The following EHBP1L1 variants were observed in gnomAD, a reference collection of about 807,000 sequenced individuals.
The protein encoded by EHBP1L1 is EH domain binding protein 1 like 1, also known as EH domain-binding protein 1-like protein 1.
Under a neutral mutation model 151.1 loss-of-function variants are expected in EHBP1L1, and 122 were observed. The observed-to-expected ratio is 0.81, with a 90% CI of 0.70 to 0.94. The LOEUF (loss-of-function observed/expected upper bound fraction) is 0.94, where lower values mean the gene tolerates loss of function less well. EHBP1L1 is among the 40% of genes least tolerant of loss of function. The probability of loss-of-function intolerance (pLI) is 0.00; values close to 1 mark genes in which losing one functional copy is unlikely to be tolerated. For missense variants in EHBP1L1, 1,941 were observed against 1,959.8 expected (o/e 0.99, Z 0.18); for synonymous variants, 878 against 810.1 (o/e 1.08, Z -1.42).
chr11:65,583,216 T>TTCAGGGATC lies in EHBP1L1; in HGVS notation c.2551_2559dup (p.Ile851_Gly853dup), dbSNP rs1327798196. 1 of 1,612,906 alleles carries TTCAGGGATC rather than the reference T, an allele frequency of 6.2e-7. No individual in the cohort carries two copies. The highest frequency in any genetic ancestry group is 8.5e-7 in the Non-Finnish European group (1 of 1,179,730). Reference sequence around the variant, plus strand: ...GGGCCCAGGAGACAGAGGTCGGGGGTTCAGGGATCTCAGGGCCCGAGGCTG... The same window carrying TTCAGGGATC: ...GGGCCCAGGAGACAGAGGTCGGGGGTTCAGGGATCTCAGGGATCTCAGGGCCCGAGGCTG... On this transcript the variant is annotated inframe_insertion, in exon 9 of 19. Coordinates refer to ENST00000309295, the MANE Select transcript of EHBP1L1 (RefSeq NM_001099409.3).
At position 65,584,284 on chromosome 11, in the gene EHBP1L1, G is replaced by T; in HGVS notation, c.3137G>T (p.Trp1046Leu). The T allele has an allele frequency of 6.2e-7, 1 of 1,611,566 alleles. No individual in the cohort carries two copies. The highest frequency in any genetic ancestry group is 8.5e-7 in the Non-Finnish European group (1 of 1,179,050). ...AGCTCCAGCCAGTCCCTGCTGGAGT[G>T]GTGCCAGGAAGTCACCACTGGCTAC... The part of the protein sequence containing the change: ...LVSSSQSLLE[W>L]CQEVTTGYRG... The change falls in exon 10 of 19, where the codon TGG (tryptophan) becomes TTG (leucine). Residue 1046 changes from tryptophan (W) to leucine (L), a missense_variant. Physicochemically the swap from Trp to Leu is moderately conservative, Grantham distance 61. Transcript: ENST00000309295.
chr11:65,579,108 C>A lies in EHBP1L1; in HGVS notation c.135C>A (p.Thr45=), dbSNP rs1565118819. The change falls in exon 2 of 19, where the codon ACC becomes ACA. Residue 45 remains threonine (T), a synonymous_variant. Transcript: ENST00000309295. ...CAGATAAGCTGGTGGTGGTATGGAC[C>A]CGTCGGAACCGACGCATCTGCTCCA... The part of the protein sequence containing the change: ...WQPDKLVVVW[T]RRNRRICSKA... The A allele has an allele frequency of 8.8e-6, 14 of 1,594,500 alleles. No individual in the cohort carries two copies. The highest frequency in any genetic ancestry group is 1.7e-4 in the Middle Eastern group (1 of 6,046).
intron 9 of EHBP1L1, 95 bp from the exon 10 acceptor site, chr11:65,584,146 G>T (rs769544769): frequency 8.5e-6 from 13 of 1,530,082 alleles, no homozygotes; most frequent in Non-Finnish European, 1.0e-5. Flanking sequence ...CAAGCTCAGA[G>T]ATGGGGCTGT....
intron 8 of EHBP1L1, 50 bp downstream of exon 8, chr11:65,581,423 C>T: frequency 4.1e-6 from 6 of 1,468,032 alleles, no homozygotes; most frequent in Non-Finnish European, 5.4e-6. Flanking sequence ...ATAGGAGCTG[C>T]AGTCCTCACC....
chr11:65,590,370 C>A, intron 15 of EHBP1L1, 123 bp from the exon 16 acceptor site: 1 of 1,493,410 alleles, frequency 6.7e-7, no homozygotes, highest in Admixed American at 2.0e-5. Context: ...GTGGCTTCCT[C>A]GAGGCACACA....
At chr11:65,591,403 G>T in intron 16 of EHBP1L1, 1 of 330,286 alleles carries the variant, frequency 3.0e-6, no homozygotes, top group Non-Finnish European at 5.8e-6. Context: ...ATCTGATCTG[G>T]TTCCCATGTG....
chr11:65,589,463 C>T (rs559953438), intron 12 of EHBP1L1, among the ~76,000 whole-genome samples: 43 of 152,298 alleles, frequency 2.8e-4, no homozygotes, highest in African/African-American at 9.9e-4. Flanking sequence ...GGCCGGAGCT[C>T]AGCCCAGCCC....
chr11:65,581,673 G>A lies in EHBP1L1; in HGVS notation c.1001G>A (p.Gly334Glu), dbSNP rs528044056. The change falls in exon 9 of 19, where the codon GGA (glycine) becomes GAA (glutamate). Residue 334 changes from glycine to glutamate, a missense_variant. Physicochemically the swap from Gly to Glu is moderately conservative, Grantham distance 98 (BLOSUM62 -2). Coordinates refer to ENST00000309295, the MANE Select transcript of EHBP1L1 (RefSeq NM_001099409.3). ...VPKASGAPPA[G>E]LGSARETQAQ... ...AAAGCCTCAGGGGCTCCTCCAGCAG[G>A]ATTGGGCTCTGCTAGGGAGACCCAG... The A allele has an allele frequency of 3.2e-6, 5 of 1,568,934 alleles. No homozygotes were observed. The Admixed American group carries it at 7.6e-5, about 24-fold the overall frequency.
At chr11:65,591,766 A>T in intron 16 of EHBP1L1, 34 bp from the exon 17 acceptor site, 2 of 806,796 alleles carry the variant, frequency 2.5e-6, no homozygotes, top group Non-Finnish European at 4.2e-6. Context: ...CTGAACTGCC[A>T]CCCCCCCGCC....
rs1018815545 is a variant in EHBP1L1 at position 65,589,837 on chromosome 11, G to A, written c.4003+17G>A. 5.8e-6 allele frequency: 9 copies of A among 1,559,456 alleles called. No individual in the cohort carries two copies. The highest frequency in any genetic ancestry group is 7.8e-6 in the Non-Finnish European group (9 of 1,151,670). ...AGCCCCCTGGTGAGTAGCAGGAGTG[G>A]TGACCATCTCAGTTCAGGCTGCTCA... is the stretch of plus-strand genomic sequence containing the variant. On this transcript the variant is annotated intron_variant, in intron 13 of 18. Transcript: ENST00000309295.
Position 65,590,607 on chromosome 11 carries a change from C to CG in EHBP1L1, c.4283+18dup. 1 of 1,611,080 alleles carries CG rather than the reference C, an allele frequency of 6.2e-7. No homozygotes were observed. The highest frequency in any genetic ancestry group is 8.5e-7 in the Non-Finnish European group (1 of 1,178,442). ...CTGCAGCTGCTGTGAGTGCTGGCCC[C>CG]GGGCCAGGAGAGCAGAGGGACTCTT... On this transcript the variant is annotated intron_variant, in intron 16 of 18. Transcript: ENST00000309295.
intron 17 of EHBP1L1, 21 bp downstream of exon 17, chr11:65,591,894 CCGGGAGGCAAGACAGAGCCAGG>C (rs761032494): frequency 3.4e-4 from 541 of 1,596,932 alleles, no homozygotes; most frequent in Middle Eastern, 3.3e-4. Context: ...GGCTCAGGGG[CCGGGAGGCAAGACAGAGCCAGG>C]GTGGAGGCGG....
rs902897996 is a variant in EHBP1L1, at chr11:65,576,120, C to T, written c.-183C>T. ...GCCCCAGGCGACCCCGCAGACTCAG[C>T]CAGACCACCCTGCGGGCCCCAGCGG... On this transcript the variant is annotated 5_prime_UTR_variant, in exon 1 of 19. Transcript: ENST00000309295. The T allele has an allele frequency of 5.0e-6, 2 of 399,888 alleles. No individual in the cohort carries two copies. The highest frequency in any genetic ancestry group is 6.9e-4 in the Middle Eastern group (1 of 1,448). 24.8% of individuals were successfully genotyped at this position (399,888 alleles called of 1,614,324 possible). A position where few individuals can be genotyped will look rare whatever the true frequency, so the allele number is the denominator to read the frequency against.
chr11:65,586,321 C>A (rs1268549552), intron 12 of EHBP1L1, among the ~76,000 whole-genome samples: 1 of 152,238 alleles, frequency 6.6e-6, no homozygotes, highest in Non-Finnish European at 1.5e-5. Flanking sequence ...CTGCTGGAGT[C>A]CAGGACACGG....
Position 65,590,206 on chromosome 11 carries a change from G to C in EHBP1L1, c.4179G>C (p.Glu1393Asp), listed in dbSNP as rs918303440. ...EVEMQLRSLM[E>D]SGANKLQEEV... ...AGATGCAGCTGAGGAGCCTCATGGA[G>C]TCAGGTGGGGCATACATCTAGGGAT... The change falls in exon 15 of 19, where the codon GAG becomes GAC. Residue 1393 changes from glutamate to aspartate, a missense_variant. Physicochemically the swap from Glu to Asp is conservative, Grantham distance 45. Coordinates refer to ENST00000309295, the MANE Select transcript of EHBP1L1 (RefSeq NM_001099409.3). The C allele has an allele frequency of 1.2e-6, 2 of 1,613,266 alleles. No individual in the cohort carries two copies. The highest frequency in any genetic ancestry group is 1.7e-5 in the Admixed American group (1 of 59,930).
Position 65,580,070 on chromosome 11 carries a change from C to T in EHBP1L1, c.313-11C>T, listed in dbSNP as rs1194531197. The T allele has an allele frequency of 6.2e-7, 1 of 1,612,500 alleles. No homozygotes were observed. Among genetic ancestry groups the T allele is most frequent in the Non-Finnish European group, 8.5e-7 (1 of 1,178,822 alleles). ...GATGCCCCTTCTCCTGGTCTCTCCC[C>T]TGGCCCACAGGAGTCTAAGGGGCAG... On this transcript the variant is annotated splice_polypyrimidine_tract_variant and intron_variant, in intron 4 of 18. Transcript: ENST00000309295.
chr11:65,583,128 TG>T lies in EHBP1L1; in HGVS notation c.2460del (p.Thr821ProfsTer4), dbSNP rs769320510. On this transcript the variant is annotated frameshift_variant, in exon 9 of 19. Coordinates refer to ENST00000309295, the MANE Select transcript of EHBP1L1 (RefSeq NM_001099409.3). LOFTEE classifies it high-confidence loss of function. ...ACTGGGACAGCAGAAACTGAGATAT[TG>T]GGGACCCAAGAGATAGCATCTAGGA... is the stretch of plus-strand genomic sequence containing the variant. ...IATGTAETEI[L>X]GTQEIASRSS... is the part of the protein sequence containing the mutation. 431 of 1,613,168 alleles carry T rather than the reference TG, an allele frequency of 2.7e-4. 1 individual carries two copies. Among genetic ancestry groups the T allele is most frequent in the South Asian group, 1.4e-3 (129 of 91,074 alleles).
chr11:65,591,455 C>T, intron 16 of EHBP1L1: 1 of 423,138 alleles, frequency 2.4e-6, no homozygotes, highest in Non-Finnish European at 4.4e-6. Flanking sequence ...TGTCATCCTG[C>T]AGGGTGGAGA....
chr11:65,586,400 C>T (rs760193512), intron 12 of EHBP1L1, among the ~76,000 whole-genome samples: 4 of 152,236 alleles, frequency 2.6e-5, no homozygotes, highest in Admixed American at 1.3e-4. Context: ...TGCCAGGCTG[C>T]TGCAAACCTT....
Sources: allele counts gnomAD v4.1 joint callset (sites outside exome capture counted in the v4.1 genomes callset), GRCh38; gene constraint gnomAD v4.1.1; transcripts MANE v1.5; gene names NCBI Gene and HGNC (gene_info 2026-07-23, HGNC 2026-07-21).